BAZ1B: variants seen among roughly 807,000 people sequenced by gnomAD.
BAZ1B encodes the protein tyrosine-protein kinase BAZ1B.
Under a neutral mutation model 153.8 loss-of-function variants are expected in BAZ1B, and 22 were observed. The observed-to-expected ratio is 0.14, with a 90% confidence interval of 0.10 to 0.20. The LOEUF is 0.20. Among genes scored for constraint, BAZ1B ranks in the 10% least tolerant of loss-of-function variants. BAZ1B has a pLI of 1.00. For synonymous variants in BAZ1B, 676 were observed against 633.4 expected (o/e 1.07, Z -1.01); for missense variants, 1,325 against 1,799.3 (o/e 0.74, Z 4.77).
chr7:73,445,455 G>T (rs1787797726), intron 16 of BAZ1B, among the ~76,000 whole-genome samples: 1 of 152,104 alleles, frequency 6.6e-6, no homozygotes, highest in African/African-American at 2.4e-5. Flanking sequence ...GATCCTTTTG[G>T]CAAGTCGAGG....
At chr7:73,478,695 AG>A in intron 6 of BAZ1B, 126 bp from the exon 7 acceptor site, 1 of 774,504 alleles carries the variant, frequency 1.3e-6, no homozygotes, top group South Asian at 3.6e-5. Context: ...ATCTCTTCAT[AG>A]ATACTTTGTC....
chr7:73,442,672 T>C (rs534706747), intron 18 of BAZ1B, 53 bp downstream of exon 18: 3 of 1,579,264 alleles, frequency 1.9e-6, no homozygotes, highest in African/African-American at 2.7e-5. Context: ...CTGGAAGCTT[T>C]TAGAACCAGC....
Position 73,498,545 on chromosome 7 carries a change from T to C in BAZ1B, c.523A>G (p.Lys175Glu). ...TCCTCTTTCACAACTGTCTCCTTCT[T>C]CTGATGGTCCTGAGCAATCTGACTG... is the stretch of plus-strand genomic sequence containing the variant. ...NSSQIAQDHQ[K>E]KETVVKEDEG... Residue 175 changes from lysine to glutamate, a missense_variant, in exon 4 of 20, where the codon AAG (lysine) becomes GAG (glutamate). This residue lies in a region of BAZ1B where 153 missense variants were observed against 204.8 expected (regional missense o/e 0.75). Transcript: ENST00000339594. 6.2e-7 allele frequency: 1 copy of C among 1,614,144 alleles called. No individual in the cohort carries two copies.
chr7:73,443,840 C>T (rs1230377789), intron 17 of BAZ1B, 144 bp downstream of exon 17: 1 of 1,197,744 alleles, frequency 8.3e-7, no homozygotes, highest in Non-Finnish European at 1.2e-6. Flanking sequence ...CAGGCTCACC[C>T]ATCTGCCTCC....
chr7:73,470,464 A>C lies in BAZ1B; in HGVS notation c.2613T>G (p.Ala871=), dbSNP rs1554571842. The change falls in exon 8 of 20, where the codon GCT becomes GCG. Residue 871 remains alanine, a synonymous_variant. Transcript: ENST00000339594. ...TGTGCTTCCGTATTCGTTCTTCTTC[A>C]GCTTGGCGTTCCAGTTTCACTGTTA... ...REMKVKLERQ[A]EEERIRKHKA... The C allele has an allele frequency of 6.2e-7, 1 of 1,613,294 alleles. No individual in the cohort carries two copies. Among genetic ancestry groups the C allele is most frequent in the South Asian group, 1.1e-5 (1 of 90,988 alleles).
chr7:73,516,130 G>A (rs1206170178), intron 1 of BAZ1B, among the ~76,000 whole-genome samples: 4 of 152,180 alleles, frequency 2.6e-5, no homozygotes, highest in Admixed American at 2.0e-4. Flanking sequence ...CTGGGCTACA[G>A]AGCGAGACTC....
intron 11 of BAZ1B, among the ~76,000 whole-genome samples, chr7:73,464,959 T>G (rs1468484760): frequency 2.0e-5 from 3 of 151,904 alleles, no homozygotes; most frequent in Non-Finnish European, 4.4e-5. Flanking sequence ...GTCTCAAAAC[T>G]CCTGGATGCA....
intron 17 of BAZ1B, 54 bp downstream of exon 17, chr7:73,443,930 G>C: frequency 1.2e-6 from 2 of 1,608,458 alleles, no homozygotes; most frequent in Non-Finnish European, 1.7e-6. Flanking sequence ...CTAATTGCTG[G>C]GGTAGGGAAT....
intron 11 of BAZ1B, among the ~76,000 whole-genome samples, chr7:73,464,582 A>G (rs1230888582): frequency 6.6e-6 from 1 of 152,234 alleles, no homozygotes; most frequent in African/African-American, 2.4e-5. Flanking sequence ...GAATGGAATC[A>G]TACACCACAT....
At chr7:73,517,418 TG>T (rs1479793820) in intron 1 of BAZ1B, among the ~76,000 whole-genome samples, 2 of 151,572 alleles carry the variant, frequency 1.3e-5, no homozygotes, top group Non-Finnish European at 2.9e-5. Context: ...CACTTGAGCC[TG>T]GGAAGTTGGA....
chr7:73,512,185 C>T (rs1790611892), intron 1 of BAZ1B, among the ~76,000 whole-genome samples: 2 of 151,972 alleles, frequency 1.3e-5, no homozygotes, highest in African/African-American at 4.8e-5. Flanking sequence ...CATGTTACTT[C>T]TTAGGGTTTA....
rs377246021 is a variant in BAZ1B, at chr7:73,520,459, A to T, written c.107+1368T>A. Among the ~76,000 whole-genome samples the T allele has an allele frequency of 1.1e-4, 16 of 152,290 alleles. No individual in the cohort carries two copies. In the South Asian group the frequency reaches 1.9e-3, roughly 18 times the overall value. On this transcript the variant is annotated intron_variant, in intron 1 of 19. Transcript: ENST00000339594. Reference sequence around the variant, plus strand: ...ATTGACTTACAGGGATGAGGTAGGAAGAGCGGTGGATTCTACTCCTCTTTC... The same window carrying T: ...ATTGACTTACAGGGATGAGGTAGGATGAGCGGTGGATTCTACTCCTCTTTC...
At chr7:73,505,223 A>G (rs1016211245) in intron 3 of BAZ1B, among the ~76,000 whole-genome samples, 1 of 152,172 alleles carries the variant, frequency 6.6e-6, no homozygotes, top group Non-Finnish European at 1.5e-5. Flanking sequence ...TTTTCCAGAT[A>G]TGCTTCTGGA....
chr7:73,491,256 C>T (rs558602741), intron 5 of BAZ1B, among the ~76,000 whole-genome samples: 8 of 151,658 alleles, frequency 5.3e-5, no homozygotes, highest in Middle Eastern at 3.4e-3. Flanking sequence ...ATTGTACTCC[C>T]GCCTGAGCGA....
chr7:73,442,136 T>TCCCCA, intron 19 of BAZ1B, 45 bp downstream of exon 19: 1 of 573,492 alleles, frequency 1.7e-6, no homozygotes, highest in Non-Finnish European at 3.2e-6. Flanking sequence ...CTCGCTCGCC[T>TCCCCA]CCCTCCCACC....
At chr7:73,521,595 G>C (rs934942557) in intron 1 of BAZ1B, among the ~76,000 whole-genome samples, 2 of 151,952 alleles carry the variant, frequency 1.3e-5, no homozygotes, top group Admixed American at 6.6e-5. Flanking sequence ...GGGGCCCCGG[G>C]GGCGGCCGAA....
rs782150287 is a variant in BAZ1B, at chr7:73,442,851, G to A, written c.3991-23C>T. On this transcript the variant is annotated intron_variant, in intron 17 of 19. Coordinates refer to ENST00000339594, the MANE Select transcript of BAZ1B (RefSeq NM_032408.4). ...CACCTGGCAGGAAAGAAAGAACAAT[G>A]TTATTACAGATTCAAGACAGGAGGA... 14 of 1,566,642 alleles carry A rather than the reference G, an allele frequency of 8.9e-6. No individual in the cohort carries two copies. The South Asian group carries it at 1.1e-4, about 12-fold the overall frequency.
intron 13 of BAZ1B, among the ~76,000 whole-genome samples, chr7:73,459,039 G>C (rs1788299235): frequency 6.6e-6 from 1 of 152,028 alleles, no homozygotes; most frequent in Non-Finnish European, 1.5e-5. Flanking sequence ...ACAAGGTCAA[G>C]AGATCGAGAC....
At chr7:73,488,539 C>T (rs1789507727) in intron 6 of BAZ1B, among the ~76,000 whole-genome samples, 1 of 151,958 alleles carries the variant, frequency 6.6e-6, no homozygotes, top group Non-Finnish European at 1.5e-5. Flanking sequence ...CAAGACTAGC[C>T]TGGCCAACAC....
Sources: allele counts gnomAD v4.1 joint callset (sites outside exome capture counted in the v4.1 genomes callset), GRCh38; gene constraint gnomAD v4.1.1; regional missense constraint gnomAD v4.1.1; transcripts MANE v1.5; gene names NCBI Gene and HGNC (gene_info 2026-07-23, HGNC 2026-07-21).